The following TRAPPC8 variants were observed in gnomAD, a reference collection of about 807,000 sequenced individuals.
The protein encoded by TRAPPC8 is general sporulation gene 1 homolog.
A neutral mutation model predicts 174.3 loss-of-function variants in TRAPPC8; 54 were observed. That is an observed-to-expected ratio of 0.31 (90% CI 0.25 to 0.39). The LOEUF is 0.39. TRAPPC8 is among the 10% of genes least tolerant of loss of function. The pLI is 1.00. For missense variants in TRAPPC8, 1,531 were observed against 1,699.1 expected, an observed-to-expected ratio of 0.90 and a Z score of 1.74; for synonymous variants, 630 against 579.9, an observed-to-expected ratio of 1.09 and a Z score of -1.24.
chr18:31,898,204 T>TTTTTTTTA (rs1157495007), intron 10 of TRAPPC8, among the ~76,000 whole-genome samples: 7 of 152,310 alleles, frequency 4.6e-5, no homozygotes, highest in African/African-American at 1.7e-4. Context: ...TTTTAAATTT[T>TTTTTTTTA]TGTATTGTTA....
chr18:31,898,684 A>G (rs538445193), intron 10 of TRAPPC8, among the ~76,000 whole-genome samples: 8 of 152,290 alleles, frequency 5.3e-5, no homozygotes, highest in Admixed American at 1.3e-4. Flanking sequence ...TTGATTCCTG[A>G]TCCAATTTTA....
At chr18:31,868,287 GCATCTTAGTCCATCAC>G (rs1327078012) in intron 16 of TRAPPC8, among the ~76,000 whole-genome samples, 4 of 152,096 alleles carry the variant, frequency 2.6e-5, no homozygotes, top group African/African-American at 9.7e-5. Context: ...TTCCAGTTCA[GCATCTTAGTCCATCAC>G]CATCTTAGTC....
Position 31,907,529 on chromosome 18 carries a change from G to A in TRAPPC8, c.1320C>T (p.Tyr440=). The A allele has an allele frequency of 6.2e-6, 10 of 1,610,630 alleles. No homozygotes were observed. Among genetic ancestry groups the A allele is most frequent in the Non-Finnish European group, 7.6e-6 (9 of 1,177,918 alleles). ...CTTTCTTTGCAGTATGATAGCAACT[G>A]TAAGCCAAATCATAATGCTGCACCA... ...CFLVQHYDLA[Y]SCYHTAKKDF... Residue 440 remains tyrosine (Y), a synonymous_variant, in exon 9 of 29, where the codon TAC becomes TAT. Coordinates refer to ENST00000283351, the MANE Select transcript of TRAPPC8 (RefSeq NM_014939.5).
chr18:31,851,921 T>G (rs2033725994), intron 24 of TRAPPC8, among the ~76,000 whole-genome samples: 1 of 152,204 alleles, frequency 6.6e-6, no homozygotes, highest in Non-Finnish European at 1.5e-5. Flanking sequence ...TACGATAGTC[T>G]CAAAAGAAAG....
At chr18:31,876,508 A>AAAAAAAAAAAAAAAAC in intron 12 of TRAPPC8, among the ~76,000 whole-genome samples, 1 of 149,814 alleles carries the variant, frequency 6.7e-6, no homozygotes, top group Non-Finnish European at 1.5e-5. Flanking sequence ...AAAAAAAAAA[A>AAAAAAAAAAAAAAAAC]AAAAGATCAC....
At chr18:31,871,424 GT>G (rs1015022382) in intron 14 of TRAPPC8, among the ~76,000 whole-genome samples, 2 of 151,572 alleles carry the variant, frequency 1.3e-5, no homozygotes, top group African/African-American at 4.8e-5. Context: ...ACAAATATTT[GT>G]ATACTAAAAT....
intron 20 of TRAPPC8, 94 bp downstream of exon 20, chr18:31,857,446 T>C: frequency 9.3e-7 from 1 of 1,070,802 alleles, no homozygotes; most frequent in African/African-American, 1.6e-5. Context: ...CAGAGTAATT[T>C]CTTAACATGT....
chr18:31,897,457 A>G (rs1252813173), intron 11 of TRAPPC8, among the ~76,000 whole-genome samples: 1 of 152,246 alleles, frequency 6.6e-6, no homozygotes, highest in Admixed American at 6.5e-5. Context: ...AAAATAAAAT[A>G]TCATTTTATA....
intron 12 of TRAPPC8, among the ~76,000 whole-genome samples, chr18:31,889,561 T>C (rs143273268): frequency 0.013 from 1,911 of 152,324 alleles, 38 homozygotes; most frequent in African/African-American, 0.043. Context: ...TGGCGTAACA[T>C]GTTTCAGATG....
At chr18:31,928,147 C>T (rs1275828955) in intron 2 of TRAPPC8, among the ~76,000 whole-genome samples, 1 of 150,536 alleles carries the variant, frequency 6.6e-6, no homozygotes, top group East Asian at 2.0e-4. Context: ...AAGAGTGAGA[C>T]TCCGACTAAA....
chr18:31,912,275 G>C (rs1303092008), intron 5 of TRAPPC8, among the ~76,000 whole-genome samples: 2 of 152,128 alleles, frequency 1.3e-5, no homozygotes, highest in Non-Finnish European at 2.9e-5. Flanking sequence ...CAGATCACCT[G>C]AGGTCAAGAG....
chr18:31,840,710 T>C (rs920289151), intron 26 of TRAPPC8, among the ~76,000 whole-genome samples: 2 of 152,184 alleles, frequency 1.3e-5, no homozygotes, highest in Non-Finnish European at 2.9e-5. Flanking sequence ...TATTATGACA[T>C]AGTCAATCTG....
intron 11 of TRAPPC8, among the ~76,000 whole-genome samples, chr18:31,891,951 C>T (rs535122466): frequency 6.6e-6 from 1 of 152,212 alleles, no homozygotes; most frequent in East Asian, 1.9e-4. Flanking sequence ...CTGACAAAAA[C>T]TAAATGATTA....
chr18:31,889,444 T>C (rs959732735), intron 12 of TRAPPC8, among the ~76,000 whole-genome samples: 10 of 152,300 alleles, frequency 6.6e-5, no homozygotes, highest in Admixed American at 2.0e-4. Context: ...TAGGAGACAA[T>C]AGACCATTCC....
At chr18:31,861,853 G>A (rs2034338391) in intron 19 of TRAPPC8, among the ~76,000 whole-genome samples, 1 of 137,202 alleles carries the variant, frequency 7.3e-6, no homozygotes, top group Non-Finnish European at 1.5e-5. Flanking sequence ...TTGAGTCCAG[G>A]AAGCCAAGGC....
intron 12 of TRAPPC8, among the ~76,000 whole-genome samples, chr18:31,884,795 C>T (rs1439068564): frequency 6.6e-6 from 1 of 151,906 alleles, no homozygotes; most frequent in African/African-American, 2.4e-5. Context: ...TCTCTTGAAG[C>T]CAGGAGTTTG....
rs775879597 is a variant in TRAPPC8, at chr18:31,942,669, A to T, written c.96T>A (p.Thr32=). The T allele has an allele frequency of 8.7e-6, 14 of 1,611,278 alleles. No homozygotes were observed. Residue 32 remains threonine, a synonymous_variant, in exon 1 of 29, where the codon ACT becomes ACA. Coordinates refer to ENST00000283351, the MANE Select transcript of TRAPPC8 (RefSeq NM_014939.5). ...ALCSDEAERL[T]RLNHLSFAEL... The stretch of plus-strand genomic sequence containing the variant: ...CCGCGAAGCTGAGGTGATTGAGACG[A>T]GTGAGCCGCTCGGCTTCGTCGCTGC...
At chr18:31,911,493 C>CT (rs2036901845) in intron 5 of TRAPPC8, among the ~76,000 whole-genome samples, 1 of 151,040 alleles carries the variant, frequency 6.6e-6, no homozygotes, top group Non-Finnish European at 1.5e-5. Flanking sequence ...TGGCTCAGCA[C>CT]TTTGGGAGGC....
Position 31,874,525 on chromosome 18 carries a change from A to G in TRAPPC8, c.1908T>C (p.Ala636=). The G allele has an allele frequency of 6.2e-7, 1 of 1,614,180 alleles. No individual in the cohort carries two copies. Among genetic ancestry groups the G allele is most frequent in the Non-Finnish European group, 8.5e-7 (1 of 1,180,012 alleles). The change falls in exon 13 of 29, where the codon GCT becomes GCC. Residue 636 remains alanine (A), a synonymous_variant. Transcript: ENST00000283351. The stretch of plus-strand genomic sequence containing the variant: ...CTCTGAGGAAAGCCCCCTGTTGAGC[A>G]GCAGATTGTTTACTTTCATTAATTA... ...HILINESKQS[A]AQQGAFLREY... is the part of the protein sequence containing the mutation.
Sources: allele counts gnomAD v4.1 joint callset (sites outside exome capture counted in the v4.1 genomes callset), GRCh38; gene constraint gnomAD v4.1.1; transcripts MANE v1.5; gene names NCBI Gene and HGNC (gene_info 2026-07-23, HGNC 2026-07-21).